Variants in GRIA1 observed in about 807,000 individuals in gnomAD.
The protein encoded by GRIA1 is glutamate receptor 1.
Under a neutral mutation model 99.2 loss-of-function variants are expected in GRIA1, and 31 were observed. That is an observed-to-expected ratio of 0.31 (90% CI 0.23 to 0.42). GRIA1 has a LOEUF of 0.42. Ranked by LOEUF, GRIA1 falls within the 10% of genes least tolerant of loss-of-function variation. The pLI is 1.00. For missense variants in GRIA1, 782 were observed against 1,157.5 expected (o/e 0.68, Z 4.71); for synonymous variants, 438 against 432.4 (o/e 1.01, Z -0.16).
chr5:153,802,173 T>C (rs1766083983), intron 14 of GRIA1, among the ~76,000 whole-genome samples, 183 bp from the exon 15 acceptor site: 1 of 152,094 alleles, frequency 6.6e-6, no homozygotes, highest in Non-Finnish European at 1.5e-5. Context: ...CACACACACT[T>C]TTTTCCTGGG....
intron 13 of GRIA1, among the ~76,000 whole-genome samples, chr5:153,792,276 C>G (rs779245215): frequency 2.0e-5 from 3 of 152,136 alleles, no homozygotes; most frequent in Admixed American, 6.5e-5. Context: ...CTGTGAGGAC[C>G]GTCTACTTTC....
chr5:153,703,209 A>C (rs1161904555), intron 10 of GRIA1, among the ~76,000 whole-genome samples: 1 of 152,216 alleles, frequency 6.6e-6, no homozygotes, highest in South Asian at 2.1e-4. Context: ...TGTATCTTAC[A>C]TACATGGGTA....
Position 153,706,128 on chromosome 5 carries a change from G to GTTTTTTTTTTT in GRIA1, c.1823+64_1823+65insTTTTTTTTTTT, listed in dbSNP as rs763821992. ...TATGGTTTTGTTTGTTTGTTTGTTT[G>GTTTTTTTTTTT]TTTGTTTTTTAAATACTGAAAAGTA... On this transcript the variant is annotated intron_variant, in intron 11 of 15. Coordinates refer to ENST00000285900, the MANE Select transcript of GRIA1 (RefSeq NM_000827.4). The GTTTTTTTTTTT allele has an allele frequency of 9.3e-6, 14 of 1,503,558 alleles. No homozygotes were observed. The African/African-American group carries it at 1.4e-4, about 15-fold the overall frequency. 93.1% of individuals were successfully genotyped at this position (1,503,558 alleles called of 1,614,324 possible).
intron 5 of GRIA1, among the ~76,000 whole-genome samples, chr5:153,664,851 C>T (rs78389379): frequency 0.028 from 4,195 of 152,252 alleles, 76 homozygotes; most frequent in Middle Eastern, 0.048. Flanking sequence ...TGGGCACCTA[C>T]TATATGGGAG....
At chr5:153,634,807 C>T (rs566689545) in intron 2 of GRIA1, among the ~76,000 whole-genome samples, 2 of 152,326 alleles carry the variant, frequency 1.3e-5, no homozygotes, top group African/African-American at 4.8e-5. Context: ...TACCCCTCAA[C>T]TTAATTAGTG....
At chr5:153,567,402 T>A (rs1761732969) in intron 2 of GRIA1, among the ~76,000 whole-genome samples, 1 of 152,200 alleles carries the variant, frequency 6.6e-6, no homozygotes, top group South Asian at 2.1e-4. Context: ...GAGGCAGCTT[T>A]AGGTAGATTC....
chr5:153,761,622 T>A (rs1026664816), intron 11 of GRIA1, among the ~76,000 whole-genome samples: 1 of 152,104 alleles, frequency 6.6e-6, no homozygotes, highest in Non-Finnish European at 1.5e-5. Context: ...CCTCAAAAAA[T>A]TAAGAATAAA....
intron 7 of GRIA1, among the ~76,000 whole-genome samples, chr5:153,678,298 G>A (rs1471560619): frequency 6.6e-6 from 1 of 152,218 alleles, no homozygotes; most frequent in Non-Finnish European, 1.5e-5. Context: ...ACAACCAGGA[G>A]AAAGAGATGC....
intron 2 of GRIA1, among the ~76,000 whole-genome samples, chr5:153,593,191 T>A (rs1349080229): frequency 6.6e-6 from 1 of 152,134 alleles, no homozygotes; most frequent in Non-Finnish European, 1.5e-5. Context: ...CACTTGAGCC[T>A]GGAAGGTGGA....
At chr5:153,507,439 T>C (rs1026229864) in intron 2 of GRIA1, among the ~76,000 whole-genome samples, 2 of 152,190 alleles carry the variant, frequency 1.3e-5, no homozygotes, top group Non-Finnish European at 2.9e-5. Context: ...TTCCAGCCTA[T>C]ACATTCTGAG....
intron 11 of GRIA1, among the ~76,000 whole-genome samples, chr5:153,735,714 A>C (rs1761335642): frequency 1.3e-5 from 2 of 152,164 alleles, no homozygotes; most frequent in South Asian, 4.1e-4. Flanking sequence ...AGGTGGTGAG[A>C]AATAATCTAA....
chr5:153,642,246 G>A (rs927952906), intron 2 of GRIA1, among the ~76,000 whole-genome samples: 1 of 152,120 alleles, frequency 6.6e-6, no homozygotes, highest in African/African-American at 2.4e-5. Flanking sequence ...AGACATTAAG[G>A]ACTCAAGCTC....
intron 2 of GRIA1, among the ~76,000 whole-genome samples, chr5:153,611,275 A>G (rs1385072212): frequency 6.6e-6 from 1 of 152,214 alleles, no homozygotes; most frequent in Non-Finnish European, 1.5e-5. Context: ...AACCATTAGT[A>G]GTTATTAGCT....
chr5:153,572,647 A>G (rs1271904845), intron 2 of GRIA1, among the ~76,000 whole-genome samples: 1 of 152,166 alleles, frequency 6.6e-6, no homozygotes, highest in African/African-American at 2.4e-5. Context: ...CTGGCTGGAA[A>G]TGCCTCTGGC....
intron 2 of GRIA1, among the ~76,000 whole-genome samples, chr5:153,623,362 C>T (rs1166700548): frequency 6.6e-6 from 1 of 152,174 alleles, no homozygotes; most frequent in East Asian, 1.9e-4. Flanking sequence ...GCGGTTGTTT[C>T]TTATTCATGT....
intron 2 of GRIA1, among the ~76,000 whole-genome samples, chr5:153,564,252 C>T (rs773429835): frequency 5.9e-5 from 9 of 152,098 alleles, no homozygotes; most frequent in Non-Finnish European, 1.3e-4. Flanking sequence ...TGGACTGGGC[C>T]CTGGAGTCTT....
intron 13 of GRIA1, among the ~76,000 whole-genome samples, chr5:153,770,821 C>T (rs1472074231): frequency 6.6e-6 from 1 of 152,166 alleles, no homozygotes; most frequent in Non-Finnish European, 1.5e-5. Context: ...TAATGTTTGT[C>T]TCAAAAGAAA....
At chr5:153,568,038 G>T (rs944042083) in intron 2 of GRIA1, among the ~76,000 whole-genome samples, 2 of 152,078 alleles carry the variant, frequency 1.3e-5, no homozygotes, top group Admixed American at 6.6e-5. Context: ...GTGGGTTTTT[G>T]TTGTTGTTTT....
At chr5:153,492,406 A>C in intron 1 of GRIA1, 2 of 1,127,304 alleles carry the variant, frequency 1.8e-6, no homozygotes, top group Non-Finnish European at 2.4e-6. Context: ...CTACTCCTCA[A>C]CCTCCCATCC....
Sources: gnomAD v4.1 joint callset for allele counts (sites outside exome capture counted in the v4.1 genomes callset) on GRCh38, gnomAD v4.1.1 for gene constraint, MANE v1.5 for transcripts, NCBI Gene and HGNC (gene_info 2026-07-23, HGNC 2026-07-21) for gene names.